The following TAGLN variants were observed in gnomAD, a reference collection of about 807,000 sequenced individuals.
TAGLN encodes transgelin.
TAGLN carries 16 observed loss-of-function variants against 21.9 expected under a neutral mutation model. The ratio of observed to expected loss-of-function variants is 0.73; its 90% CI spans 0.49 to 1.11. The LOEUF is 1.11. Among genes scored for constraint, TAGLN ranks in the 50% least tolerant of loss-of-function variants. TAGLN has a pLI of 0.00. For missense variants in TAGLN, 248 were observed against 263.2 expected (o/e 0.94, Z 0.40); for synonymous variants, 96 against 94.9 (o/e 1.01, Z -0.06).
Position 117,203,607 on chromosome 11 carries a change from T to C in TAGLN, c.358+123T>C. The C allele has an allele frequency of 3.1e-6, 4 of 1,304,780 alleles. No homozygotes were observed. Among genetic ancestry groups the C allele is most frequent in the Non-Finnish European group, 4.3e-6 (4 of 939,470 alleles). The allele number at this position is 1,304,780 out of a possible 1,614,324, so 80.8% of individuals were successfully genotyped here. ...TTGCCCGCACACAGCAGGGATGGGA[T>C]ATGCCGAGAATAACACGCCACGCTC... is the stretch of plus-strand genomic sequence containing the variant. On this transcript the variant is annotated intron_variant, in intron 3 of 4. Transcript: ENST00000392951. This position sits in a 1 kb window ranked among gnomAD's most constrained non-coding sequence, Gnocchi z 4.4.
In TAGLN at chr11:117,206,337, C is replaced by T; in HGVS notation, c.*1978C>T. On this transcript the variant is annotated 3_prime_UTR_variant, in exon 5 of 5. Coordinates refer to ENST00000392951, the MANE Select transcript of TAGLN (RefSeq NM_003186.5). Reference sequence around the variant, plus strand: ...GTAAACAGTCCAGAAGACGGTGAAACAGCCTACCAGCACCAGGGTCTGGGG... The same window carrying T: ...GTAAACAGTCCAGAAGACGGTGAAATAGCCTACCAGCACCAGGGTCTGGGG... 3.1e-6 allele frequency: 5 copies of T among 1,609,440 alleles called. No individual in the cohort carries two copies. The highest frequency in any genetic ancestry group is 4.2e-6 in the Non-Finnish European group (5 of 1,176,514).
Position 117,206,269 on chromosome 11 carries a change from T to TG in TAGLN, c.*1912dup. The TG allele has an allele frequency of 6.2e-7, 1 of 1,614,168 alleles. No individual in the cohort carries two copies. The highest frequency in any genetic ancestry group is 8.5e-7 in the Non-Finnish European group (1 of 1,180,024). ...CAGGGTCCACTCCTACAAACTTGAT[T>TG]GGAAGCCACATTCCTCTGGCTCAAA... On this transcript the variant is annotated 3_prime_UTR_variant, in exon 5 of 5. Coordinates refer to ENST00000392951, the MANE Select transcript of TAGLN (RefSeq NM_003186.5).
chr11:117,201,254 T>C (rs494356), intron 1 of TAGLN: 119,037 of 152,150 alleles, frequency 0.78, 47,432 homozygotes, highest in Non-Finnish European at 0.86. Flanking sequence ...GAAGTGGTCC[T>C]GCCCCCACTT....
rs36014587 is a variant in TAGLN at position 117,204,760 on chromosome 11, C to CAAA, written c.*417_*419dup. 0.011 allele frequency: 1,922 copies of CAAA among 174,978 alleles called. 48 individuals carry two copies. The highest frequency in any genetic ancestry group is 0.048 in the African/African-American group (1,729 of 35,906). The allele number at this position is 174,978 out of a possible 1,614,324, so 10.8% of individuals were successfully genotyped here. A position where few individuals can be genotyped will look rare whatever the true frequency, so the allele number is the denominator to read the frequency against. ...CTGGAATATTTTTGGGGTTGGAACT[C>CAAA]AAAAAAAAAAAAAAAAAATCAATCT... On this transcript the variant is annotated 3_prime_UTR_variant, in exon 5 of 5. Coordinates refer to ENST00000392951, the MANE Select transcript of TAGLN (RefSeq NM_003186.5).
At position 117,203,641 on chromosome 11, in the gene TAGLN, C is replaced by T. The variant is rs2031200916; in HGVS notation, c.359-141C>T. On this transcript the variant is annotated intron_variant, in intron 3 of 4. Transcript: ENST00000392951. The surrounding 1 kb of genome is among the most constrained non-coding windows in gnomAD (Gnocchi z 4.4). ...AATAACACGCCACGCTCACAGGGCC[C>T]ACTGAGAGGCCTCCCTTGAATTGGG... The T allele has an allele frequency of 8.1e-7, 1 of 1,233,022 alleles. No homozygotes were observed. Among genetic ancestry groups the T allele is most frequent in the Non-Finnish European group, 1.1e-6 (1 of 877,918 alleles). 76.4% of individuals were successfully genotyped at this position (1,233,022 alleles called of 1,614,324 possible).
rs1277966156 is a variant in TAGLN, at chr11:117,206,344, C to T, written c.*1985C>T. The stretch of plus-strand genomic sequence containing the variant: ...GTCCAGAAGACGGTGAAACAGCCTA[C>T]CAGCACCAGGGTCTGGGGCCGAGGC... On this transcript the variant is annotated 3_prime_UTR_variant, in exon 5 of 5. Transcript: ENST00000392951. The T allele has an allele frequency of 2.5e-6, 4 of 1,608,738 alleles. No homozygotes were observed. The highest frequency in any genetic ancestry group is 3.4e-6 in the Non-Finnish European group (4 of 1,176,144).
chr11:117,205,377 C>T lies in TAGLN; in HGVS notation c.*1018C>T, dbSNP rs934460303. 1.4e-4 allele frequency: 32 copies of T among 233,266 alleles called. No homozygotes were observed. The highest frequency in any genetic ancestry group is 2.4e-4 in the Non-Finnish European group (28 of 117,946). 14.4% of individuals were successfully genotyped at this position (233,266 alleles called of 1,614,324 possible). ...TCTGCCATCTGCTCTGCAGTCCTGC[C>T]GCAGGATTCCCTAGTGAAGCAGCTC... On this transcript the variant is annotated 3_prime_UTR_variant, in exon 5 of 5. Coordinates refer to ENST00000392951, the MANE Select transcript of TAGLN (RefSeq NM_003186.5).
Position 117,204,652 on chromosome 11 carries a change from T to C in TAGLN, c.*293T>C. On this transcript the variant is annotated 3_prime_UTR_variant, in exon 5 of 5. Coordinates refer to ENST00000392951, the MANE Select transcript of TAGLN (RefSeq NM_003186.5). ...GGGGAGAAGCGGGCTGGGGGTAGCC[T>C]GGATGTGGGCCAAGTCCACTGTCCT... 2.0e-6 allele frequency: 1 copy of C among 495,154 alleles called. No individual in the cohort carries two copies. Among genetic ancestry groups the C allele is most frequent in the Admixed American group, 3.1e-5 (1 of 32,656 alleles). 30.7% of individuals were successfully genotyped at this position (495,154 alleles called of 1,614,324 possible).
chr11:117,204,760 CAAAAAA>C lies in TAGLN; in HGVS notation c.*414_*419del. ...CTGGAATATTTTTGGGGTTGGAACT[CAAAAAA>C]AAAAAAAAAAAATCAATCTTTTCTC... On this transcript the variant is annotated 3_prime_UTR_variant, in exon 5 of 5. Coordinates refer to ENST00000392951, the MANE Select transcript of TAGLN (RefSeq NM_003186.5). The C allele has an allele frequency of 5.7e-6, 1 of 174,188 alleles. No individual in the cohort carries two copies. Among genetic ancestry groups the C allele is most frequent in the Non-Finnish European group, 1.2e-5 (1 of 85,536 alleles). 10.8% of individuals were successfully genotyped at this position (174,188 alleles called of 1,614,324 possible).
At position 117,203,263 on chromosome 11, in the gene TAGLN, C is replaced by G. The variant is rs1298480410; in HGVS notation, c.181-44C>G. On this transcript the variant is annotated intron_variant, in intron 2 of 4. Coordinates refer to ENST00000392951, the MANE Select transcript of TAGLN (RefSeq NM_003186.5). The surrounding 1 kb of genome is among the most constrained non-coding windows in gnomAD (Gnocchi z 4.4). ...CACCCTGTGAGTCCTGGGCCAATCC[C>G]TGAGCTGACTGCTAAGCTGCGTCCT... 6.2e-7 allele frequency: 1 copy of G among 1,608,782 alleles called. No individual in the cohort carries two copies. Among genetic ancestry groups the G allele is most frequent in the Non-Finnish European group, 8.5e-7 (1 of 1,175,920 alleles).
In TAGLN at chr11:117,205,917, T is replaced by C; in HGVS notation, c.*1558T>C. 1 of 570,660 alleles carries C rather than the reference T, an allele frequency of 1.8e-6. No individual in the cohort carries two copies. Among genetic ancestry groups the C allele is most frequent in the African/African-American group, 1.9e-5 (1 of 52,514 alleles). The allele number at this position is 570,660 out of a possible 1,614,324, so 35.3% of individuals were successfully genotyped here. On this transcript the variant is annotated 3_prime_UTR_variant, in exon 5 of 5. Transcript: ENST00000392951. ...CAGAGGATGCCTCAGATTCCAGATG[T>C]AAGCATCAGAACTGCTTTCTGTCAA...
rs767232174 is a variant in TAGLN, at chr11:117,204,384, C to T, written c.*25C>T. The T allele has an allele frequency of 5.3e-5, 85 of 1,614,124 alleles. No individual in the cohort carries two copies. The South Asian group carries it at 7.2e-4, about 14-fold the overall frequency. Reference sequence around the variant, plus strand: ...GAGCGGAGAGGGCTAGCCCTGAGCCCGGCCCTCCCCCAGCTCCTTGGCTGC... The same window carrying T: ...GAGCGGAGAGGGCTAGCCCTGAGCCTGGCCCTCCCCCAGCTCCTTGGCTGC... On this transcript the variant is annotated 3_prime_UTR_variant, in exon 5 of 5. Transcript: ENST00000392951.
Position 117,204,200 on chromosome 11 carries a change from T to TGG in TAGLN, c.462-15_462-14insGG, listed in dbSNP as rs1565295851. On this transcript the variant is annotated splice_polypyrimidine_tract_variant and intron_variant, in intron 4 of 4. Coordinates refer to ENST00000392951, the MANE Select transcript of TAGLN (RefSeq NM_003186.5). Reference sequence around the variant, plus strand: ...CAGTTCTACCAAGTCTTTATCCTGGTTCCTCCTCTTCTAGGAAAGCGCAGG... The same window carrying TGG: ...CAGTTCTACCAAGTCTTTATCCTGGTGGTCCTCCTCTTCTAGGAAAGCGCAGG... 2.5e-6 allele frequency: 4 copies of TGG among 1,614,080 alleles called. No homozygotes were observed. Among genetic ancestry groups the TGG allele is most frequent in the Admixed American group, 3.3e-5 (2 of 60,028 alleles).
chr11:117,204,641 T>TG lies in TAGLN; in HGVS notation c.*287dup. The TG allele has an allele frequency of 1.9e-6, 1 of 515,922 alleles. No individual in the cohort carries two copies. Among genetic ancestry groups the TG allele is most frequent in the African/African-American group, 1.9e-5 (1 of 52,234 alleles). The allele number at this position is 515,922 out of a possible 1,614,324, so 32.0% of individuals were successfully genotyped here. ...TGGGCTAAGCAGGGGAGAAGCGGGC[T>TG]GGGGGTAGCCTGGATGTGGGCCAAG... is the stretch of plus-strand genomic sequence containing the variant. On this transcript the variant is annotated 3_prime_UTR_variant, in exon 5 of 5. Transcript: ENST00000392951.
At position 117,203,518 on chromosome 11, in the gene TAGLN, A is replaced by G; in HGVS notation, c.358+34A>G. Reference sequence around the variant, plus strand: ...GAAGAGGCTGGGGGAGGAGGTGGGCAGGAGGACAGGGTGCTGGGACAGGGA... The same window carrying G: ...GAAGAGGCTGGGGGAGGAGGTGGGCGGGAGGACAGGGTGCTGGGACAGGGA... On this transcript the variant is annotated intron_variant, in intron 3 of 4. Coordinates refer to ENST00000392951, the MANE Select transcript of TAGLN (RefSeq NM_003186.5). The surrounding 1 kb of genome is among the most constrained non-coding windows in gnomAD (Gnocchi z 4.4). 1 of 1,608,274 alleles carries G rather than the reference A, an allele frequency of 6.2e-7. No individual in the cohort carries two copies. Among genetic ancestry groups the G allele is most frequent in the South Asian group, 1.1e-5 (1 of 90,824 alleles).
rs1169423037 is a variant in TAGLN at position 117,205,234 on chromosome 11, G to A, written c.*875G>A. 8.6e-6 allele frequency: 2 copies of A among 233,630 alleles called. No homozygotes were observed. Among genetic ancestry groups the A allele is most frequent in the Non-Finnish European group, 1.7e-5 (2 of 118,036 alleles). 14.5% of individuals were successfully genotyped at this position (233,630 alleles called of 1,614,324 possible). A position where few individuals can be genotyped will look rare whatever the true frequency, so the allele number is the denominator to read the frequency against. On this transcript the variant is annotated 3_prime_UTR_variant, in exon 5 of 5. Transcript: ENST00000392951. ...TTGAGAGAAGAGTCACAGCCTGTCA[G>A]GCAGATAGCTGGCCTCCGGCGGGAA...
chr11:117,202,789 G>T (rs2031152099), intron 1 of TAGLN: 2 of 421,352 alleles, frequency 4.7e-6, no homozygotes, highest in East Asian at 7.1e-5. Flanking sequence ...CCCTGCTCTA[G>T]ACCTCCAAAG....
At chr11:117,204,154 A>C in intron 4 of TAGLN, 61 bp from the exon 5 acceptor site, 2 of 1,607,484 alleles carry the variant, frequency 1.2e-6, no homozygotes, top group East Asian at 2.2e-5. Flanking sequence ...CAGAGGGATC[A>C]GAAAACGGGT....
rs1338133965 is a variant in TAGLN, at chr11:117,205,635, G to A, written c.*1276G>A. 1 of 256,088 alleles carries A rather than the reference G, an allele frequency of 3.9e-6. No individual in the cohort carries two copies. The highest frequency in any genetic ancestry group is 2.2e-5 in the African/African-American group (1 of 46,156). The allele number at this position is 256,088 out of a possible 1,614,324, so 15.9% of individuals were successfully genotyped here. On this transcript the variant is annotated 3_prime_UTR_variant, in exon 5 of 5. Coordinates refer to ENST00000392951, the MANE Select transcript of TAGLN (RefSeq NM_003186.5). ...GATGTTTCCATTGAGATGCGCTCCT[G>A]GCTATGGCAGGCACCTTCTCAACTT...
Sources: gnomAD v4.1 joint callset for allele counts on GRCh38, gnomAD v4.1.1 for gene constraint, Gnocchi (gnomAD v3.1) non-coding constraint, MANE v1.5 for transcripts, NCBI Gene and HGNC (gene_info 2026-07-23, HGNC 2026-07-21) for gene names.